Variants in CNTNAP2 observed in about 807,000 individuals in gnomAD.
CNTNAP2 encodes the protein contactin associated protein 2.
A neutral mutation model predicts 155.2 loss-of-function variants in CNTNAP2; 98 were observed. The observed-to-expected ratio is 0.63, with a 90% CI of 0.54 to 0.75. The LOEUF is 0.75. Among genes scored for constraint, CNTNAP2 ranks in the 30% least tolerant of loss-of-function variants. The pLI, the probability that CNTNAP2 is intolerant of heterozygous loss-of-function variation, is 0.00. For missense variants in CNTNAP2, 1,727 were observed against 1,688.1 expected, an observed-to-expected ratio of 1.02 and a Z score of -0.40; for synonymous variants, 651 against 631.2, an observed-to-expected ratio of 1.03 and a Z score of -0.47.
At chr7:147,418,806 T>A (rs1701530596) in intron 10 of CNTNAP2, among the ~76,000 whole-genome samples, 1 of 152,222 alleles carries the variant, frequency 6.6e-6, no homozygotes, top group South Asian at 2.1e-4. Context: ...AACAACGGTC[T>A]ACTTTACTGC....
At chr7:147,213,003 G>T (rs879627355) in intron 8 of CNTNAP2, among the ~76,000 whole-genome samples, 28 of 151,948 alleles carry the variant, frequency 1.8e-4, no homozygotes, top group Non-Finnish European at 3.5e-4. Flanking sequence ...ATTCTCCAGA[G>T]AAACATAACC....
intron 1 of CNTNAP2, among the ~76,000 whole-genome samples, chr7:146,124,660 A>C (rs1797609165): frequency 6.6e-6 from 1 of 152,250 alleles, no homozygotes; most frequent in Non-Finnish European, 1.5e-5. Context: ...TGGTTCAAAT[A>C]AAAATATGTC....
intron 1 of CNTNAP2, among the ~76,000 whole-genome samples, chr7:146,741,386 T>G (rs2129181003): frequency 6.6e-6 from 1 of 152,290 alleles, no homozygotes; most frequent in Admixed American, 6.5e-5. Context: ...TGCTGGATAT[T>G]ATCATCCACA....
At chr7:146,576,335 T>C (rs1798524044) in intron 1 of CNTNAP2, among the ~76,000 whole-genome samples, 1 of 152,210 alleles carries the variant, frequency 6.6e-6, no homozygotes, top group African/African-American at 2.4e-5. Context: ...CCAGCTTACA[T>C]CTTCCACACT....
At chr7:147,142,934 T>A (rs567737993) in intron 8 of CNTNAP2, among the ~76,000 whole-genome samples, 2 of 152,234 alleles carry the variant, frequency 1.3e-5, no homozygotes, top group East Asian at 3.9e-4. Flanking sequence ...TTATCATTTA[T>A]TGCCCAATTT....
intron 12 of CNTNAP2, among the ~76,000 whole-genome samples, chr7:147,588,682 G>A (rs1330971087): frequency 2.0e-5 from 3 of 152,108 alleles, no homozygotes; most frequent in Non-Finnish European, 4.4e-5. Context: ...ACATTGAGGG[G>A]ACAGCTGGCC....
chr7:146,822,331 G>A (rs1400322366), intron 2 of CNTNAP2, among the ~76,000 whole-genome samples: 9 of 152,016 alleles, frequency 5.9e-5, no homozygotes, highest in Non-Finnish European at 1.3e-4. Context: ...TGGCGTGGGG[G>A]CAGGGGGGAG....
chr7:147,050,873 C>T (rs1259100175), intron 4 of CNTNAP2, among the ~76,000 whole-genome samples: 2 of 152,078 alleles, frequency 1.3e-5, no homozygotes, highest in African/African-American at 4.8e-5. Flanking sequence ...CCATGTCCCT[C>T]GCCCATCTCC....
intron 13 of CNTNAP2, among the ~76,000 whole-genome samples, chr7:147,853,554 C>T (rs1031204735): frequency 3.3e-5 from 5 of 152,086 alleles, no homozygotes; most frequent in African/African-American, 9.7e-5. Context: ...ATTAGAAGCT[C>T]GATTATATAT....
intron 1 of CNTNAP2, among the ~76,000 whole-genome samples, chr7:146,763,168 C>A (rs1802134154): frequency 6.6e-6 from 1 of 152,212 alleles, no homozygotes; most frequent in South Asian, 2.1e-4. Flanking sequence ...CCTCATGCTT[C>A]TGCTCCATCC....
At chr7:147,762,729 G>A (rs1797322089) in intron 13 of CNTNAP2, among the ~76,000 whole-genome samples, 1 of 142,932 alleles carries the variant, frequency 7.0e-6, no homozygotes, top group African/African-American at 2.5e-5. Flanking sequence ...TAAGTGGGGG[G>A]AGGGAGGGAG....
At chr7:148,268,782 A>G (rs1796722261) in intron 21 of CNTNAP2, among the ~76,000 whole-genome samples, 1 of 152,310 alleles carries the variant, frequency 6.6e-6, no homozygotes, top group East Asian at 1.9e-4. Flanking sequence ...AGTTAAGATT[A>G]TGATCTCCAC....
At chr7:146,882,448 C>A (rs957629826) in intron 3 of CNTNAP2, among the ~76,000 whole-genome samples, 1 of 152,022 alleles carries the variant, frequency 6.6e-6, no homozygotes. Flanking sequence ...TTCCGCCATG[C>A]TGTTCTCATC....
intron 9 of CNTNAP2, among the ~76,000 whole-genome samples, chr7:147,378,395 C>T (rs937565454): frequency 2.6e-5 from 4 of 151,824 alleles, no homozygotes; most frequent in East Asian, 1.9e-4. Context: ...AAGAATTCAT[C>T]GTATACACAA....
intron 21 of CNTNAP2, among the ~76,000 whole-genome samples, chr7:148,352,489 G>C (rs1798444026): frequency 6.6e-6 from 1 of 152,246 alleles, no homozygotes; most frequent in Admixed American, 6.5e-5. Flanking sequence ...TCCTATAAAA[G>C]ATAGACGTGA....
chr7:148,253,960 C>T (rs1192293466), intron 20 of CNTNAP2, among the ~76,000 whole-genome samples: 2 of 152,102 alleles, frequency 1.3e-5, no homozygotes, highest in Non-Finnish European at 2.9e-5. Flanking sequence ...TTTGCATATA[C>T]GCAGGTCCTG....
intron 3 of CNTNAP2, among the ~76,000 whole-genome samples, chr7:147,042,438 A>T (rs1799277791): frequency 6.6e-6 from 1 of 152,154 alleles, no homozygotes. Flanking sequence ...GGAGCGCAGG[A>T]ATTTGACCGG....
intron 22 of CNTNAP2, among the ~76,000 whole-genome samples, chr7:148,385,780 C>A (rs2116664265): frequency 7.5e-6 from 1 of 133,786 alleles, no homozygotes. Context: ...CAGAGTCTCA[C>A]TCAGTTGCCC....
chr7:147,291,014 C>A (rs1302105934), intron 8 of CNTNAP2, among the ~76,000 whole-genome samples: 1 of 152,110 alleles, frequency 6.6e-6, no homozygotes, highest in African/African-American at 2.4e-5. Flanking sequence ...ACTTAGACAG[C>A]AAACATGGAA....
Sources: allele counts gnomAD v4.1 joint callset (sites outside exome capture counted in the v4.1 genomes callset), GRCh38; gene constraint gnomAD v4.1.1; transcripts MANE v1.5; gene names NCBI Gene and HGNC (gene_info 2026-07-23, HGNC 2026-07-21).